Variants in SPATA13 observed in about 807,000 individuals in gnomAD.
SPATA13 encodes spermatogenesis-associated protein 13.
SPATA13 carries 50 observed loss-of-function variants against 104.0 expected under a neutral mutation model. The ratio of observed to expected loss-of-function variants is 0.48; its 90% CI spans 0.38 to 0.61. SPATA13 has a LOEUF of 0.61. Among genes scored for constraint, SPATA13 ranks in the 20% least tolerant of loss-of-function variants. SPATA13 has a pLI of 0.00. For synonymous variants in SPATA13, 606 were observed against 667.5 expected (o/e 0.91, Z 1.42); for missense variants, 1,524 against 1,690.6 (o/e 0.90, Z 1.73).
At chr13:23,982,211 A>C (rs962386889) in intron 1 of SPATA13, among the ~76,000 whole-genome samples, 2 of 152,222 alleles carry the variant, frequency 1.3e-5, no homozygotes, top group Non-Finnish European at 2.9e-5. Flanking sequence ...GCCACATTAG[A>C]GAGGTCATAG....
At chr13:23,982,494 T>A (rs1242533793) in intron 1 of SPATA13, among the ~76,000 whole-genome samples, 1 of 152,168 alleles carries the variant, frequency 6.6e-6, no homozygotes, top group Non-Finnish European at 1.5e-5. Flanking sequence ...TTTACCGGAC[T>A]GATGAAAACT....
intron 4 of SPATA13, among the ~76,000 whole-genome samples, chr13:24,265,100 G>GC (rs1472966104): frequency 1.3e-5 from 2 of 152,202 alleles, no homozygotes; most frequent in African/African-American, 4.8e-5. Flanking sequence ...AGCAGGCCGG[G>GC]GCGAGTCTCA....
intron 4 of SPATA13, chr13:24,270,938 G>T: frequency 6.5e-7 from 1 of 1,541,536 alleles, no homozygotes; most frequent in Non-Finnish European, 9.0e-7. Context: ...ATGGATTGTT[G>T]TACTGTGACA....
intron 2 of SPATA13, among the ~76,000 whole-genome samples, chr13:24,012,712 C>T (rs1344755366): frequency 6.6e-6 from 1 of 152,254 alleles, no homozygotes; most frequent in Non-Finnish European, 1.5e-5. Context: ...GTGATTACAG[C>T]ACCTGCCTTG....
chr13:24,195,923 T>A (rs1470194887), intron 1 of SPATA13, among the ~76,000 whole-genome samples: 4 of 152,212 alleles, frequency 2.6e-5, no homozygotes. Flanking sequence ...GGGGATGTAT[T>A]CTTAGGTACT....
intron 1 of SPATA13, among the ~76,000 whole-genome samples, chr13:24,192,830 A>T (rs994406665): frequency 6.6e-6 from 1 of 152,138 alleles, no homozygotes; most frequent in Admixed American, 6.5e-5. Flanking sequence ...GGCCTTCTGC[A>T]TGGGTGGAAC....
chr13:23,982,025 A>C (rs930753090), intron 1 of SPATA13, among the ~76,000 whole-genome samples: 1 of 152,236 alleles, frequency 6.6e-6, no homozygotes, highest in Non-Finnish European at 1.5e-5. Context: ...TAAATGAGAA[A>C]ATTTAAATTT....
intron 3 of SPATA13, among the ~76,000 whole-genome samples, chr13:24,077,647 A>G (rs1479750329): frequency 6.6e-6 from 1 of 152,168 alleles, no homozygotes; most frequent in Non-Finnish European, 1.5e-5. Context: ...GACAAAACAG[A>G]ATATGGAATT....
chr13:24,034,958 G>A (rs1271294224), intron 3 of SPATA13: 4 of 152,238 alleles, frequency 2.6e-5, no homozygotes, highest in Non-Finnish European at 4.4e-5. Flanking sequence ...TCAATGGAGA[G>A]AGTTCAAAGC....
chr13:24,019,335 G>A (rs1286054668), intron 3 of SPATA13, among the ~76,000 whole-genome samples: 2 of 151,892 alleles, frequency 1.3e-5, no homozygotes, highest in Non-Finnish European at 2.9e-5. Context: ...TGATCCGCCC[G>A]CCTCGGCCTC....
intron 1 of SPATA13, among the ~76,000 whole-genome samples, chr13:24,177,866 A>T (rs9511111): frequency 0.77 from 116,769 of 151,918 alleles, 47,605 homozygotes; most frequent in East Asian, 0.92. Flanking sequence ...TCAACATATG[A>T]ATTTTTTTTT....
intron 4 of SPATA13, among the ~76,000 whole-genome samples, chr13:24,252,109 C>T (rs536777659): frequency 5.9e-5 from 9 of 152,240 alleles, no homozygotes; most frequent in Non-Finnish European, 1.0e-4. Flanking sequence ...CGTGTACATA[C>T]ATTCCTGCAT....
In SPATA13 at chr13:24,045,486, A is replaced by C. The variant is rs1320849967; in HGVS notation, c.-112+27785A>C. ...TGCCCTAAACAAGCTAAGATTATTA[A>C]ATTCAATTAGGTAGGTCACATAATA... On this transcript the variant is annotated intron_variant, in intron 3 of 14. Coordinates refer to the SPATA13 transcript ENST00000424834. Among the ~76,000 whole-genome samples the C allele has an allele frequency of 7.2e-5, 11 of 152,194 alleles. No individual in the cohort carries two copies. The East Asian group carries it at 2.1e-3, about 29-fold the overall frequency.
At chr13:24,227,844 A>G (rs1254165836) in intron 2 of SPATA13, among the ~76,000 whole-genome samples, 2 of 152,166 alleles carry the variant, frequency 1.3e-5, no homozygotes, top group Non-Finnish European at 2.9e-5. Context: ...TGCTAGGATT[A>G]TAGGTGTGAG....
intron 3 of SPATA13, among the ~76,000 whole-genome samples, chr13:24,107,273 C>T (rs1385813639): frequency 7.0e-6 from 1 of 143,772 alleles, no homozygotes; most frequent in Non-Finnish European, 1.5e-5. Context: ...AAGCTCAAGC[C>T]TGGTTCTCCA....
chr13:24,045,398 C>T (rs1878105021), intron 3 of SPATA13, among the ~76,000 whole-genome samples: 1 of 152,280 alleles, frequency 6.6e-6, no homozygotes, highest in African/African-American at 2.4e-5. Context: ...TTTTTGGAAA[C>T]AGGCATTTTG....
intron 3 of SPATA13, among the ~76,000 whole-genome samples, chr13:24,038,114 C>A (rs557315891): frequency 6.6e-6 from 1 of 152,114 alleles, no homozygotes; most frequent in East Asian, 1.9e-4. Context: ...GGGGTTTCAC[C>A]GTGTTAGCCA....
intron 7 of SPATA13, among the ~76,000 whole-genome samples, chr13:24,287,847 A>T (rs1171023542): frequency 1.3e-5 from 2 of 152,212 alleles, no homozygotes; most frequent in African/African-American, 4.8e-5. Context: ...CGAGCATCAC[A>T]CTACACTGCT....
chr13:24,289,059 A>G lies in SPATA13; in HGVS notation c.2728A>G (p.Ile910Val), dbSNP rs148921365. 64 of 1,613,928 alleles carry G rather than the reference A, an allele frequency of 4.0e-5. No individual in the cohort carries two copies. The highest frequency in any genetic ancestry group is 5.1e-5 in the Non-Finnish European group (60 of 1,180,006). Residue 910 changes from isoleucine (I) to valine (V), a missense_variant, in exon 8 of 13, where the codon ATT becomes GTT. Around this residue, in one of 2 missense-constraint regions of SPATA13, gnomAD observed 435 missense variants for 554.8 expected, o/e 0.78. Transcript: ENST00000382108. ...GTTCACCGTTGCGCAGCTAGCCACT[A>G]TTTTTGGAAACATTGAAGATATTTA... is the stretch of plus-strand genomic sequence containing the variant. ...GMFTVAQLAT[I>V]FGNIEDIYKF... is the part of the protein sequence containing the mutation.
Sources: gnomAD v4.1 joint callset for allele counts (sites outside exome capture counted in the v4.1 genomes callset) on GRCh38, gnomAD v4.1.1 for gene constraint, gnomAD v4.1.1 regional missense constraint, MANE v1.5 for transcripts, NCBI Gene and HGNC (gene_info 2026-07-23, HGNC 2026-07-21) for gene names.